ST3GAL3: variants seen among roughly 807,000 people sequenced by gnomAD.
ST3GAL3 encodes the protein CMP-N-acetylneuraminate-beta-1,4-galactoside alpha-2,3-sialyltransferase.
In ST3GAL3, 21 loss-of-function variants were observed where a neutral mutation model predicts 50.1. The observed-to-expected ratio is 0.42, with a 90% CI of 0.30 to 0.60. ST3GAL3 has a LOEUF of 0.60. ST3GAL3 is among the 20% of genes least tolerant of loss of function. The pLI, the probability that ST3GAL3 is intolerant of heterozygous loss-of-function variation, is 0.19. For missense variants in ST3GAL3, 353 were observed against 489.4 expected (o/e 0.72, Z 2.63); for synonymous variants, 183 against 190.0 (o/e 0.96, Z 0.30).
intron 5 of ST3GAL3, among the ~76,000 whole-genome samples, chr1:43,861,347 G>A (rs965287521): frequency 7.9e-5 from 12 of 152,084 alleles, no homozygotes; most frequent in African/African-American, 2.4e-4. Context: ...TGAGTGCCTC[G>A]TCTGGGGTGG....
intron 5 of ST3GAL3, among the ~76,000 whole-genome samples, chr1:43,861,958 G>A (rs1177894707): frequency 6.6e-6 from 1 of 152,028 alleles, no homozygotes; most frequent in Non-Finnish European, 1.5e-5. Context: ...AACTCGGGAG[G>A]CGGAGGTTGC....
chr1:43,808,614 G>A (rs145186359), intron 3 of ST3GAL3, among the ~76,000 whole-genome samples: 3 of 152,274 alleles, frequency 2.0e-5, no homozygotes, highest in African/African-American at 7.2e-5. Flanking sequence ...AGTCCATGTC[G>A]CAGGGAAGGA....
At chr1:43,721,556 A>T (rs964297973) in intron 1 of ST3GAL3, among the ~76,000 whole-genome samples, 1 of 151,860 alleles carries the variant, frequency 6.6e-6, no homozygotes, top group Admixed American at 6.6e-5. Context: ...CGCCCGCCTC[A>T]GCCTCCCAAA....
chr1:43,719,370 G>A (rs899548260), intron 1 of ST3GAL3, among the ~76,000 whole-genome samples: 4 of 152,018 alleles, frequency 2.6e-5, no homozygotes, highest in South Asian at 2.1e-4. Flanking sequence ...AAGAATAAGC[G>A]GTGGCTTGGG....
intron 3 of ST3GAL3, among the ~76,000 whole-genome samples, chr1:43,795,234 G>A (rs1247507854): frequency 1.3e-5 from 2 of 152,168 alleles, no homozygotes; most frequent in African/African-American, 4.8e-5. Flanking sequence ...ATGGACCATG[G>A]CAATAAGCCT....
chr1:43,772,121 C>G (rs1225474613), intron 2 of ST3GAL3: 1 of 397,718 alleles, frequency 2.5e-6, no homozygotes, highest in Admixed American at 4.4e-5. Context: ...ATAATCTCTG[C>G]TCACCGCAAC....
At chr1:43,718,295 T>A (rs541397839) in intron 1 of ST3GAL3, among the ~76,000 whole-genome samples, 1 of 143,586 alleles carries the variant, frequency 7.0e-6, no homozygotes, top group East Asian at 2.2e-4. Flanking sequence ...GTTCACGCCA[T>A]TCTCCTGCCT....
intron 3 of ST3GAL3, among the ~76,000 whole-genome samples, chr1:43,798,192 G>A (rs1232817839): frequency 2.0e-5 from 3 of 151,918 alleles, no homozygotes; most frequent in African/African-American, 4.8e-5. Flanking sequence ...TTCTCTAGCC[G>A]CTTCTTTCTA....
chr1:43,838,232 G>A lies in ST3GAL3; in HGVS notation c.223G>A (p.Ala75Thr). 1 of 1,613,004 alleles carries A rather than the reference G, an allele frequency of 6.2e-7. No individual in the cohort carries two copies. The highest frequency in any genetic ancestry group is 2.2e-5 in the East Asian group (1 of 44,824). ...CTCTTCCCATAGGCCTGCTGAATTA[G>A]CCACCAAGTACGCAAACTTTTCAGA... ...NLDSKLPAEL[A>T]TKYANFSEGA... The change falls in exon 5 of 12, where the codon GCC (alanine) becomes ACC (threonine). Residue 75 changes from alanine to threonine, a missense_variant. Ala to Thr is a moderately conservative substitution (Grantham distance 58). Coordinates refer to ENST00000347631, the MANE Select transcript of ST3GAL3 (RefSeq NM_006279.5).
chr1:43,738,042 C>G (rs980628061), intron 2 of ST3GAL3: 1 of 152,086 alleles, frequency 6.6e-6, no homozygotes, highest in Non-Finnish European at 1.5e-5. Context: ...AACCTATGTT[C>G]ATTATTTTAT....
chr1:43,914,397 G>A (rs2081438048), intron 9 of ST3GAL3: 1 of 152,166 alleles, frequency 6.6e-6, no homozygotes, highest in African/African-American at 2.4e-5. Flanking sequence ...GGAGACAGGG[G>A]AGGTCTCCTT....
At chr1:43,756,122 GAAGAAGAA>G (rs1189233435) in intron 2 of ST3GAL3, among the ~76,000 whole-genome samples, 20 of 118,762 alleles carry the variant, frequency 1.7e-4, no homozygotes, top group African/African-American at 7.8e-4. Flanking sequence ...AAAAAAAGAA[GAAGAAGAA>G]AAGAAAAGGA....
intron 1 of ST3GAL3, among the ~76,000 whole-genome samples, chr1:43,713,315 C>A: frequency 6.6e-6 from 1 of 152,130 alleles, no homozygotes; most frequent in African/African-American, 2.4e-5. Context: ...AAAATGAGGA[C>A]AAAAATTCCT....
At chr1:43,709,457 C>G (rs1051777076) in intron 1 of ST3GAL3, 3 of 151,794 alleles carry the variant, frequency 2.0e-5, no homozygotes, top group Non-Finnish European at 4.4e-5. Context: ...GAATGTGGCT[C>G]TCTGCAGCCT....
chr1:43,769,106 A>G (rs1451810427), intron 2 of ST3GAL3, among the ~76,000 whole-genome samples: 1 of 152,246 alleles, frequency 6.6e-6, no homozygotes, highest in Admixed American at 6.5e-5. Flanking sequence ...AGAGAAATTC[A>G]TCAGTGTAAT....
intron 2 of ST3GAL3, among the ~76,000 whole-genome samples, chr1:43,788,670 A>C (rs373826601): frequency 2.6e-5 from 4 of 152,228 alleles, no homozygotes; most frequent in African/African-American, 9.6e-5. Context: ...TTACTAGCTT[A>C]TTTCTTAGTT....
chr1:43,871,079 G>T (rs549430672), intron 5 of ST3GAL3, among the ~76,000 whole-genome samples: 1 of 152,310 alleles, frequency 6.6e-6, no homozygotes, highest in East Asian at 1.9e-4. Flanking sequence ...GGAGAAAGGT[G>T]CTGGGGCTTG....
intron 2 of ST3GAL3, among the ~76,000 whole-genome samples, chr1:43,769,603 AG>A (rs1374249189): frequency 6.6e-6 from 1 of 152,188 alleles, no homozygotes; most frequent in African/African-American, 2.4e-5. Context: ...AGCAAAGGAA[AG>A]GGGCCTAACA....
chr1:43,744,657 A>ATAAATAAATAT, intron 2 of ST3GAL3, among the ~76,000 whole-genome samples: 1 of 126,872 alleles, frequency 7.9e-6, no homozygotes, highest in Non-Finnish European at 1.5e-5. Flanking sequence ...CCTCTCAAAA[A>ATAAATAAATAT]ATAAATAAAT....
Sources: gnomAD v4.1 joint callset for allele counts (sites outside exome capture counted in the v4.1 genomes callset) on GRCh38, gnomAD v4.1.1 for gene constraint, MANE v1.5 for transcripts, NCBI Gene and HGNC (gene_info 2026-07-23, HGNC 2026-07-21) for gene names.